The following AGAP1 variants were observed in gnomAD, a reference collection of about 807,000 sequenced individuals.
AGAP1 encodes ArfGAP with GTPase domain, ankyrin repeat and PH domain 1.
AGAP1 carries 29 observed loss-of-function variants against 105.3 expected under a neutral mutation model. That is an observed-to-expected ratio of 0.28 (90% confidence interval 0.21 to 0.38). The LOEUF (loss-of-function observed/expected upper bound fraction) is 0.38, where lower values mean the gene tolerates loss of function less well. Among genes scored for constraint, AGAP1 ranks in the 10% least tolerant of loss-of-function variants. The pLI is 1.00. For synonymous variants in AGAP1, 509 were observed against 485.9 expected (o/e 1.05, Z -0.63); for missense variants, 998 against 1,165.1 (o/e 0.86, Z 2.09).
At chr2:236,054,647 A>G (rs559321445) in intron 16 of AGAP1, among the ~76,000 whole-genome samples, 2 of 152,332 alleles carry the variant, frequency 1.3e-5, no homozygotes, top group South Asian at 2.1e-4. Flanking sequence ...CAGAACACGC[A>G]TAACAAGCTA....
At chr2:236,085,085 G>A (rs1340915986) in intron 16 of AGAP1, among the ~76,000 whole-genome samples, 1 of 151,494 alleles carries the variant, frequency 6.6e-6, no homozygotes, top group Admixed American at 6.6e-5. Context: ...GTGTGGTGGT[G>A]TGCGCCTGTA....
chr2:235,648,640 G>A (rs1318702470), intron 1 of AGAP1, among the ~76,000 whole-genome samples: 3 of 150,920 alleles, frequency 2.0e-5, no homozygotes, highest in African/African-American at 4.9e-5. Flanking sequence ...TTGGGAAGCC[G>A]AGGCAGGCAG....
rs562598074 is a variant in AGAP1 at position 235,552,013 on chromosome 2, A to G, written c.163+57164A>G. Among the ~76,000 whole-genome samples the G allele has an allele frequency of 9.8e-5, 15 of 152,316 alleles. No individual in the cohort carries two copies. Among genetic ancestry groups the G allele is most frequent in the African/African-American group, 3.6e-4 (15 of 41,564 alleles). ...GAACTCTAGTTGGAGTTGTAGAGCTAATGTTTTTTTCTCTGGTCCCTGCCA... is the reference window on the plus strand; with the variant it reads ...GAACTCTAGTTGGAGTTGTAGAGCTGATGTTTTTTTCTCTGGTCCCTGCCA... On this transcript the variant is annotated intron_variant, in intron 1 of 17. Transcript: ENST00000304032. The surrounding 1 kb of genome is among the most constrained non-coding windows in gnomAD (Gnocchi z 5.9).
Position 235,659,311 on chromosome 2 carries a change from CT to C in AGAP1, c.164-49865del, listed in dbSNP as rs973228441. Among the ~76,000 whole-genome samples the C allele has an allele frequency of 1.6e-4, 25 of 152,306 alleles. No individual in the cohort carries two copies. The highest frequency in any genetic ancestry group is 5.1e-4 in the African/African-American group (21 of 41,562). On this transcript the variant is annotated intron_variant, in intron 1 of 17. Transcript: ENST00000304032. This position sits in a 1 kb window ranked among gnomAD's most constrained non-coding sequence, Gnocchi z 5.0. ...TAATAGTACCTACCTCTCTGTGGCA[CT>C]TTGGGGGTAGAATGGATGAACTGAA...
Position 235,584,902 on chromosome 2 carries a change from CT to C in AGAP1, c.163+90076del, listed in dbSNP as rs10629736. 4.0e-3 allele frequency among the ~76,000 whole-genome samples: 398 copies of C among 98,526 alleles called. 4 individuals are homozygous for C. The highest frequency in any genetic ancestry group is 0.013 in the East Asian group (39 of 3,078). The allele number at this position is 98,526 out of a possible 152,430, so 64.6% of individuals were successfully genotyped here. Reference sequence around the variant, plus strand: ...TCGTGTATCGTGGCTAAGTCATTACCTTTTTTTTTTTTTTTTTTTTTTTAAA... The same window carrying C: ...TCGTGTATCGTGGCTAAGTCATTACCTTTTTTTTTTTTTTTTTTTTTTAAA... On this transcript the variant is annotated intron_variant, in intron 1 of 17. Coordinates refer to ENST00000304032, the MANE Select transcript of AGAP1 (RefSeq NM_001037131.3).
In AGAP1 at chr2:235,793,824, T is replaced by A. The variant is rs56073691; in HGVS notation, c.674-3935T>A. ...ATGTCAGGATTTAATGAAGTCTTGT[T>A]TGGGAGCTGTTGTCTTATTTTTAAC... On this transcript the variant is annotated intron_variant, in intron 6 of 17. Coordinates refer to ENST00000304032, the MANE Select transcript of AGAP1 (RefSeq NM_001037131.3). This position sits in a 1 kb window ranked among gnomAD's most constrained non-coding sequence, Gnocchi z 5.3. Among the ~76,000 whole-genome samples the A allele has an allele frequency of 0.019, 2,967 of 152,292 alleles. 97 individuals are homozygous for A. Among genetic ancestry groups the A allele is most frequent in the African/African-American group, 0.068 (2,835 of 41,542 alleles).
rs1366292556 is a variant in AGAP1 at position 235,550,828 on chromosome 2, G to A, written c.163+55979G>A. Among the ~76,000 whole-genome samples the A allele has an allele frequency of 2.0e-5, 3 of 152,166 alleles. No individual in the cohort carries two copies. Among genetic ancestry groups the A allele is most frequent in the Non-Finnish European group, 4.4e-5 (3 of 68,030 alleles). On this transcript the variant is annotated intron_variant, in intron 1 of 17. Transcript: ENST00000304032. The surrounding 1 kb of genome is among the most constrained non-coding windows in gnomAD (Gnocchi z 4.6). ...CTCACTCTGTTGCCCAGGCTGGAGT[G>A]CAGTGGCACTGTCTCGGCTCACTAC...
At chr2:235,592,481 G>T (rs1229273892) in intron 1 of AGAP1, among the ~76,000 whole-genome samples, 1 of 152,176 alleles carries the variant, frequency 6.6e-6, no homozygotes, top group East Asian at 1.9e-4. Flanking sequence ...GGAGGGCAGG[G>T]CTCCAGGAGA....
chr2:235,699,053 C>T (rs1950130622), intron 1 of AGAP1, among the ~76,000 whole-genome samples: 1 of 141,816 alleles, frequency 7.1e-6, no homozygotes, highest in Non-Finnish European at 1.5e-5. Flanking sequence ...GCCTGGACCA[C>T]CACGGGCATC....
At chr2:235,805,252 C>A (rs977744904) in intron 8 of AGAP1, among the ~76,000 whole-genome samples, 6 of 152,094 alleles carry the variant, frequency 3.9e-5, no homozygotes, top group Admixed American at 1.3e-4. Context: ...TCTTTTATCT[C>A]AGAGTGTGTG....
chr2:235,862,260 G>A (rs770830798), intron 9 of AGAP1, among the ~76,000 whole-genome samples: 121 of 152,240 alleles, frequency 7.9e-4, no homozygotes, highest in Non-Finnish European at 1.2e-3. Context: ...TAATCAGTTC[G>A]GGATGGTATT....
At chr2:235,833,986 G>A (rs1374488476) in intron 9 of AGAP1, among the ~76,000 whole-genome samples, 1 of 149,276 alleles carries the variant, frequency 6.7e-6, no homozygotes, top group Non-Finnish European at 1.5e-5. Flanking sequence ...TAGCAGCACT[G>A]GCTCTTTGTC....
rs984600853 is a variant in AGAP1, at chr2:235,965,837, G to A, written c.1484-2625G>A. Among the ~76,000 whole-genome samples the A allele has an allele frequency of 4.6e-5, 7 of 152,154 alleles. No individual in the cohort carries two copies. The highest frequency in any genetic ancestry group is 7.2e-5 in the African/African-American group (3 of 41,440). ...TGGGACCTCTGAGGACAGAAGTGAC[G>A]CAGTGGAGAGGGAGGAATGAGTGGA... On this transcript the variant is annotated intron_variant, in intron 12 of 17. Coordinates refer to ENST00000304032, the MANE Select transcript of AGAP1 (RefSeq NM_001037131.3). The surrounding 1 kb of genome is among the most constrained non-coding windows in gnomAD (Gnocchi z 5.8).
At position 235,744,949 on chromosome 2, in the gene AGAP1, C is replaced by A; in HGVS notation, c.538+110C>A. 1 of 1,331,642 alleles carries A rather than the reference C, an allele frequency of 7.5e-7. No individual in the cohort carries two copies. 82.5% of individuals were successfully genotyped at this position (1,331,642 alleles called of 1,614,324 possible). A position where few individuals can be genotyped will look rare whatever the true frequency, so the allele number is the denominator to read the frequency against. ...AAAGAAGGAAAAATTGCCTACTGAA[C>A]GCTCACTTTTTTGGGAAAAATTATG... is the stretch of plus-strand genomic sequence containing the variant. On this transcript the variant is annotated intron_variant, in intron 5 of 17. Coordinates refer to ENST00000304032, the MANE Select transcript of AGAP1 (RefSeq NM_001037131.3). The surrounding 1 kb of genome is among the most constrained non-coding windows in gnomAD (Gnocchi z 5.2).
In AGAP1 at chr2:235,979,776, G is replaced by A. The variant is rs1020704535; in HGVS notation, c.1645+11153G>A. On this transcript the variant is annotated intron_variant, in intron 13 of 17. Transcript: ENST00000304032. The surrounding 1 kb of genome is among the most constrained non-coding windows in gnomAD (Gnocchi z 4.5). ...GACATTGTATCAGAGTTCATGAAAA[G>A]TGCCTACTGCACACAGTTTAATTCT... Among the ~76,000 whole-genome samples the A allele has an allele frequency of 6.6e-6, 1 of 152,178 alleles. No individual in the cohort carries two copies. Among genetic ancestry groups the A allele is most frequent in the East Asian group, 1.9e-4 (1 of 5,202 alleles).
At chr2:235,996,880 A>G (rs1425128237) in intron 13 of AGAP1, among the ~76,000 whole-genome samples, 10 of 152,170 alleles carry the variant, frequency 6.6e-5, no homozygotes, top group Non-Finnish European at 8.8e-5. Context: ...ATCCTTGCCA[A>G]TTTTTTCACT....
In AGAP1 at chr2:235,901,124, G is replaced by A. The variant is rs886848038; in HGVS notation, c.1156-7614G>A. On this transcript the variant is annotated intron_variant, in intron 10 of 17. Transcript: ENST00000304032. This position sits in a 1 kb window ranked among gnomAD's most constrained non-coding sequence, Gnocchi z 4.3. ...GTCTGCACCTGTGACTACGTACAAG[G>A]CCATTGTTTATTATTCATAAATGTG... Among the ~76,000 whole-genome samples, 4 of 152,144 alleles carry A rather than the reference G, an allele frequency of 2.6e-5. No homozygotes were observed. Among genetic ancestry groups the A allele is most frequent in the Non-Finnish European group, 4.4e-5 (3 of 68,012 alleles).
At chr2:235,918,158 A>G (rs985522795) in intron 11 of AGAP1, among the ~76,000 whole-genome samples, 1 of 152,238 alleles carries the variant, frequency 6.6e-6, no homozygotes, top group Non-Finnish European at 1.5e-5. Context: ...CATGTCGACC[A>G]AGGTCACTCG....
chr2:235,580,329 C>T (rs1319977894), intron 1 of AGAP1, among the ~76,000 whole-genome samples: 2 of 152,102 alleles, frequency 1.3e-5, no homozygotes, highest in Non-Finnish European at 2.9e-5. Flanking sequence ...ATACTGTTCT[C>T]CCCATCATTA....
Sources: gnomAD v4.1 joint callset for allele counts (sites outside exome capture counted in the v4.1 genomes callset) on GRCh38, gnomAD v4.1.1 for gene constraint, Gnocchi (gnomAD v3.1) non-coding constraint, MANE v1.5 for transcripts, NCBI Gene and HGNC (gene_info 2026-07-23, HGNC 2026-07-21) for gene names.